CCNI: variants seen among roughly 807,000 people sequenced by gnomAD.
The protein encoded by CCNI is cyclin-I.
CCNI carries 14 observed loss-of-function variants against 34.1 expected under a neutral mutation model. The ratio of observed to expected loss-of-function variants is 0.41; its 90% CI spans 0.27 to 0.64. CCNI has a LOEUF of 0.64. Among genes scored for constraint, CCNI ranks in the 30% least tolerant of loss-of-function variants. The pLI is 0.31. For missense variants in CCNI, 385 were observed against 440.5 expected (o/e 0.87, Z 1.13); for synonymous variants, 154 against 158.4 (o/e 0.97, Z 0.21).
At chr4:77,066,511 T>TA in intron 1 of CCNI, 106 bp from the exon 2 acceptor site, 1 of 697,388 alleles carries the variant, frequency 1.4e-6, no homozygotes, top group Non-Finnish European at 2.4e-6. Context: ...TATGAGGCAG[T>TA]ATAGGATTTT....
chr4:77,055,929 A>G, intron 5 of CCNI, 33 bp downstream of exon 5: 1 of 1,554,822 alleles, frequency 6.4e-7, no homozygotes, highest in South Asian at 1.2e-5. Flanking sequence ...TACACACTCA[A>G]ATAAGAAACT....
At position 77,055,300 on chromosome 4, in the gene CCNI, G is replaced by C. The variant is rs750878031; in HGVS notation, c.540C>G (p.Val180=). The part of the protein sequence containing the change: ...PKLSPSQHLA[V]LTKQLLHCMA... ...TACAGTGAAGTAGTTGCTTGGTAAGGACTGCCAAATGTTGAGATGGGCTCA... is the reference window on the plus strand; with the variant it reads ...TACAGTGAAGTAGTTGCTTGGTAAGCACTGCCAAATGTTGAGATGGGCTCA... The change falls in exon 6 of 7, where the codon GTC becomes GTG. Residue 180 remains valine, a synonymous_variant. Coordinates refer to ENST00000237654, the MANE Select transcript of CCNI (RefSeq NM_006835.3). 1 of 1,614,170 alleles carries C rather than the reference G, an allele frequency of 6.2e-7. No homozygotes were observed. Among genetic ancestry groups the C allele is most frequent in the Admixed American group, 1.7e-5 (1 of 60,024 alleles).
At chr4:77,059,737 C>G (rs993099970) in intron 2 of CCNI, among the ~76,000 whole-genome samples, 4 of 152,074 alleles carry the variant, frequency 2.6e-5, no homozygotes, top group Admixed American at 6.5e-5. Context: ...AGCTGTAATT[C>G]TGTATCCAGG....
intron 6 of CCNI, 78 bp downstream of exon 6, chr4:77,055,072 C>T: frequency 1.1e-6 from 1 of 887,442 alleles, no homozygotes; most frequent in Non-Finnish European, 1.8e-6. Context: ...TGAGAAATGT[C>T]TTTTAGTTTG....
intron 1 of CCNI, among the ~76,000 whole-genome samples, chr4:77,073,120 T>A (rs1311699659): frequency 6.6e-6 from 1 of 152,248 alleles, no homozygotes; most frequent in Admixed American, 6.5e-5. Flanking sequence ...GTTGGTTACA[T>A]CCAACTTTGC....
intron 2 of CCNI, chr4:77,064,611 ACACAC>A: frequency 6.6e-6 from 1 of 150,514 alleles, no homozygotes; most frequent in African/African-American, 2.5e-5. Flanking sequence ...ACACACACAC[ACACAC>A]ACACACAAAA....
At chr4:77,055,628 G>A (rs1372666329) in intron 5 of CCNI, among the ~76,000 whole-genome samples, 6 of 151,732 alleles carry the variant, frequency 4.0e-5, no homozygotes, top group African/African-American at 1.2e-4. Context: ...CACCATGCCC[G>A]GCTAATTTTT....
intron 6 of CCNI, 100 bp downstream of exon 6, chr4:77,055,050 G>T: frequency 1.4e-6 from 1 of 718,524 alleles, no homozygotes; most frequent in Non-Finnish European, 2.4e-6. Context: ...AGAATGGTTT[G>T]CCATTACAAC....
chr4:77,048,124 G>A lies in CCNI; in HGVS notation c.*95C>T. ...GGCTCACTCCAAATCAGCCTGTTAA[G>A]GTATATTTCCTTCTACAGCCTTTCC... On this transcript the variant is annotated 3_prime_UTR_variant, in exon 7 of 7. Transcript: ENST00000237654. 6 of 849,654 alleles carry A rather than the reference G, an allele frequency of 7.1e-6. No homozygotes were observed. The South Asian group carries it at 1.0e-4, about 14-fold the overall frequency. The allele number at this position is 849,654 out of a possible 1,614,324, so 52.6% of individuals were successfully genotyped here.
intron 6 of CCNI, among the ~76,000 whole-genome samples, chr4:77,053,623 A>G (rs4252913): frequency 0.099 from 15,120 of 152,200 alleles, 1,786 homozygotes; most frequent in African/African-American, 0.29. Context: ...TAACACTTTA[A>G]AGCAATCTTT....
At chr4:77,068,092 C>T (rs1295709949) in intron 1 of CCNI, among the ~76,000 whole-genome samples, 6 of 151,996 alleles carry the variant, frequency 3.9e-5, no homozygotes, top group Admixed American at 3.9e-4. Flanking sequence ...GCAGGAAAAT[C>T]GCTTTAACCC....
chr4:77,062,622 A>G (rs1728690118), intron 2 of CCNI, among the ~76,000 whole-genome samples: 1 of 152,188 alleles, frequency 6.6e-6, no homozygotes, highest in Non-Finnish European at 1.5e-5. Context: ...CAGCAAATCT[A>G]AACTCCAGTT....
intron 6 of CCNI, among the ~76,000 whole-genome samples, chr4:77,050,272 A>T (rs886423489): frequency 6.6e-6 from 1 of 152,162 alleles, no homozygotes; most frequent in Non-Finnish European, 1.5e-5. Context: ...ACTTTTTTCC[A>T]GTTTTGAGTA....
At chr4:77,049,085 T>C (rs1401123693) in intron 6 of CCNI, among the ~76,000 whole-genome samples, 1 of 149,480 alleles carries the variant, frequency 6.7e-6, no homozygotes, top group African/African-American at 2.5e-5. Flanking sequence ...AACACATTCA[T>C]TAAAAATGTA....
intron 1 of CCNI, among the ~76,000 whole-genome samples, chr4:77,072,848 A>G (rs1487907638): frequency 2.0e-5 from 3 of 152,162 alleles, no homozygotes; most frequent in Non-Finnish European, 4.4e-5. Flanking sequence ...GAATATTACT[A>G]TTCTTGTGAA....
At chr4:77,056,888 G>T (rs775843895) in intron 3 of CCNI, among the ~76,000 whole-genome samples, 4 of 152,038 alleles carry the variant, frequency 2.6e-5, no homozygotes, top group Non-Finnish European at 5.9e-5. Flanking sequence ...ACCGTGCCCG[G>T]CCTGAGAGCT....
At chr4:77,049,425 C>G (rs1727687290) in intron 6 of CCNI, among the ~76,000 whole-genome samples, 1 of 152,134 alleles carries the variant, frequency 6.6e-6, no homozygotes, top group East Asian at 1.9e-4. Flanking sequence ...TGCCTGTAAT[C>G]CTAGCACTTT....
At chr4:77,056,940 AAAT>A (rs1728284264) in intron 3 of CCNI, among the ~76,000 whole-genome samples, 1 of 152,162 alleles carries the variant, frequency 6.6e-6, no homozygotes. Context: ...TATTCTACAA[AAAT>A]AATATCAATT....
At chr4:77,066,529 T>C (rs1729049615) in intron 1 of CCNI, 124 bp from the exon 2 acceptor site, 2 of 627,038 alleles carry the variant, frequency 3.2e-6, no homozygotes, top group Non-Finnish European at 5.4e-6. Flanking sequence ...TTTATAGCTC[T>C]TTAAAATATC....
Sources: allele counts gnomAD v4.1 joint callset (sites outside exome capture counted in the v4.1 genomes callset), GRCh38; gene constraint gnomAD v4.1.1; transcripts MANE v1.5; gene names NCBI Gene and HGNC (gene_info 2026-07-23, HGNC 2026-07-21).